Variants in COMMD9 observed in about 807,000 individuals in gnomAD.
COMMD9 encodes the protein COMM domain containing 9.
COMMD9 carries 22 observed loss-of-function variants against 23.4 expected under a neutral mutation model. The observed-to-expected ratio is 0.94, with a 90% CI of 0.67 to 1.34. The LOEUF (loss-of-function observed/expected upper bound fraction) is 1.34. COMMD9 is among the 40% of genes most tolerant of loss of function. The pLI, the probability that COMMD9 is intolerant of heterozygous loss-of-function variation, is 0.00. For missense variants in COMMD9, 231 were observed against 240.2 expected (o/e 0.96, Z 0.25); for synonymous variants, 99 against 97.4 (o/e 1.02, Z -0.10).
rs1855933126 is a variant in COMMD9 at position 36,274,382 on chromosome 11, C to T, written c.*250G>A. 3 of 678,390 alleles carry T rather than the reference C, an allele frequency of 4.4e-6. No individual in the cohort carries two copies. Among genetic ancestry groups the T allele is most frequent in the Non-Finnish European group, 8.1e-6 (3 of 370,622 alleles). 42.0% of individuals were successfully genotyped at this position (678,390 alleles called of 1,614,324 possible). ...CTGCCATGGTGGTAATTAAGTTGCA[C>T]TCAGGAGCTTTTCAAAGATGGGGGC... On this transcript the variant is annotated 3_prime_UTR_variant, in exon 6 of 6. Coordinates refer to ENST00000263401, the MANE Select transcript of COMMD9 (RefSeq NM_014186.4).
chr11:36,287,104 CGCGTAGTATGT>C (rs1590408301), intron 1 of COMMD9, among the ~76,000 whole-genome samples: 4 of 122,868 alleles, frequency 3.3e-5, no homozygotes, highest in East Asian at 2.3e-4. Flanking sequence ...CTATGTATAT[CGCGTAGTATGT>C]ATACTACATA....
intron 1 of COMMD9, 44 bp downstream of exon 1, chr11:36,289,318 G>A: frequency 3.2e-6 from 5 of 1,540,142 alleles, no homozygotes; most frequent in Non-Finnish European, 4.4e-6. Flanking sequence ...TAAAGTCTCG[G>A]AGACAAAGGG....
Position 36,274,624 on chromosome 11 carries a change from T to C in COMMD9, c.*8A>G, listed in dbSNP as rs988232905. The C allele has an allele frequency of 2.5e-6, 4 of 1,614,094 alleles. No homozygotes were observed. The highest frequency in any genetic ancestry group is 1.7e-5 in the Admixed American group (1 of 60,014). On this transcript the variant is annotated 3_prime_UTR_variant, in exon 6 of 6. Coordinates refer to ENST00000263401, the MANE Select transcript of COMMD9 (RefSeq NM_014186.4). ...GGGTCATGGCAGTGGCCCTGGCAGCTGGCTGGATCATTTACTGGCCACGGC... is the reference window on the plus strand; with the variant it reads ...GGGTCATGGCAGTGGCCCTGGCAGCCGGCTGGATCATTTACTGGCCACGGC...
At position 36,276,066 on chromosome 11, in the gene COMMD9, T is replaced by A. The variant is rs978428592; in HGVS notation, c.456+71A>T. On this transcript the variant is annotated intron_variant, in intron 5 of 5. Coordinates refer to ENST00000263401, the MANE Select transcript of COMMD9 (RefSeq NM_014186.4). ...ATATATGGGTTAGAGATCCCAAACC[T>A]TGGAGACTAGTGTTTTAGACGGCCA... The A allele has an allele frequency of 3.5e-6, 4 of 1,128,506 alleles. No individual in the cohort carries two copies. The African/African-American group carries it at 6.1e-5, about 17-fold the overall frequency. The allele number at this position is 1,128,506 out of a possible 1,614,324, so 69.9% of individuals were successfully genotyped here. A position where few individuals can be genotyped will look rare whatever the true frequency, so the allele number is the denominator to read the frequency against.
intron 3 of COMMD9, 89 bp downstream of exon 3, chr11:36,278,388 A>G: frequency 8.0e-7 from 1 of 1,257,036 alleles, no homozygotes; most frequent in Non-Finnish European, 1.1e-6. Context: ...TAAGTTTTCA[A>G]CAATGAGCAT....
Position 36,273,196 on chromosome 11 carries a change from G to C in COMMD9, c.*1436C>G, listed in dbSNP as rs1855906560. 6.6e-6 allele frequency: 1 copy of C among 152,008 alleles called. No individual in the cohort carries two copies. The highest frequency in any genetic ancestry group is 2.4e-5 in the African/African-American group (1 of 41,390). 9.4% of individuals were successfully genotyped at this position (152,008 alleles called of 1,614,324 possible). On this transcript the variant is annotated 3_prime_UTR_variant, in exon 6 of 6. Coordinates refer to ENST00000263401, the MANE Select transcript of COMMD9 (RefSeq NM_014186.4). ...AGAAGCAGAGCTGGCTTCTGACCTT[G>C]GCTGCCTGACTCCTGACAGCATATT...
intron 1 of COMMD9, among the ~76,000 whole-genome samples, chr11:36,288,370 A>G (rs1370747932): frequency 6.6e-6 from 1 of 150,492 alleles, no homozygotes; most frequent in African/African-American, 2.4e-5. Context: ...AAAAAAAAAA[A>G]AAAAGAGAGA....
At chr11:36,277,163 G>C (rs1855987717) in intron 3 of COMMD9, 40 bp from the exon 4 acceptor site, 4 of 1,510,464 alleles carry the variant, frequency 2.6e-6, no homozygotes, top group Non-Finnish European at 3.6e-6. Flanking sequence ...TAATGGAAAG[G>C]GGATGAGACT....
intron 2 of COMMD9, 130 bp downstream of exon 2, chr11:36,280,582 T>G: frequency 1.2e-6 from 1 of 867,586 alleles, no homozygotes. Flanking sequence ...TCATGTCCCA[T>G]TTATAAAAGT....
chr11:36,288,156 G>A (rs184181295), intron 1 of COMMD9, among the ~76,000 whole-genome samples: 1 of 152,210 alleles, frequency 6.6e-6, no homozygotes, highest in East Asian at 1.9e-4. Flanking sequence ...CGTGCTGTGT[G>A]CCAGGTATTA....
At chr11:36,285,234 A>G (rs1290911235) in intron 1 of COMMD9, among the ~76,000 whole-genome samples, 1 of 152,216 alleles carries the variant, frequency 6.6e-6, no homozygotes, top group Non-Finnish European at 1.5e-5. Flanking sequence ...GAAAAATTCT[A>G]TAAACATAAA....
Position 36,272,695 on chromosome 11 carries a change from T to G in COMMD9, c.*1937A>C, listed in dbSNP as rs1018495943. 2 of 152,258 alleles carry G rather than the reference T, an allele frequency of 1.3e-5. No homozygotes were observed. The highest frequency in any genetic ancestry group is 4.8e-5 in the African/African-American group (2 of 41,458). The allele number at this position is 152,258 out of a possible 1,614,324, so 9.4% of individuals were successfully genotyped here. On this transcript the variant is annotated 3_prime_UTR_variant, in exon 6 of 6. Transcript: ENST00000263401. The stretch of plus-strand genomic sequence containing the variant: ...GAAGAGCTTGGAATTTTTTTTCCCT[T>G]GACCTTCCTCGTATCTCACTGGGTA...
In COMMD9 at chr11:36,272,995, A is replaced by G. The variant is rs1308881427; in HGVS notation, c.*1637T>C. On this transcript the variant is annotated 3_prime_UTR_variant, in exon 6 of 6. Coordinates refer to ENST00000263401, the MANE Select transcript of COMMD9 (RefSeq NM_014186.4). Reference sequence around the variant, plus strand: ...TGCACCAAGCTTTCTACTCTCATCCATTAATAATCAAAGCCTTTCCTATTA... The same window carrying G: ...TGCACCAAGCTTTCTACTCTCATCCGTTAATAATCAAAGCCTTTCCTATTA... The G allele has an allele frequency of 6.6e-6, 1 of 152,260 alleles. No individual in the cohort carries two copies. The highest frequency in any genetic ancestry group is 2.4e-5 in the African/African-American group (1 of 41,468). 9.4% of individuals were successfully genotyped at this position (152,260 alleles called of 1,614,324 possible).
rs530405684 is a variant in COMMD9 at position 36,288,300 on chromosome 11, C to G, written c.51+1062G>C. ...ACAAAACAGAGACTATTACATGGACCGATGATGATGATGTGCCATAAATTG... is the reference window on the plus strand; with the variant it reads ...ACAAAACAGAGACTATTACATGGACGGATGATGATGATGTGCCATAAATTG... On this transcript the variant is annotated intron_variant, in intron 1 of 5. Transcript: ENST00000263401. 3.3e-5 allele frequency among the ~76,000 whole-genome samples: 5 copies of G among 150,174 alleles called. No homozygotes were observed. The South Asian group carries it at 1.1e-3, about 32-fold the overall frequency.
Position 36,275,860 on chromosome 11 carries a change from A to G in COMMD9, c.456+277T>C, listed in dbSNP as rs187387532. Among the ~76,000 whole-genome samples the G allele has an allele frequency of 6.0e-5, 9 of 150,338 alleles. No individual in the cohort carries two copies. In the East Asian group the frequency reaches 1.7e-3, roughly 29 times the overall value. On this transcript the variant is annotated intron_variant, in intron 5 of 5. Transcript: ENST00000263401. The stretch of plus-strand genomic sequence containing the variant: ...GCTATTCAAAATCTGGAAGCACACT[A>G]CTATTGTTAAAGCTAAACTGCTAAG...
intron 2 of COMMD9, 101 bp from the exon 3 acceptor site, chr11:36,278,717 C>G: frequency 8.8e-7 from 1 of 1,134,510 alleles, no homozygotes; most frequent in Non-Finnish European, 1.2e-6. Flanking sequence ...AGGCTGCACA[C>G]TGCTATGGTC....
At chr11:36,289,340 T>C (rs1425944911) in intron 1 of COMMD9, 22 bp downstream of exon 1, 2 of 1,548,632 alleles carry the variant, frequency 1.3e-6, no homozygotes, top group African/African-American at 2.7e-5. Context: ...CACCTCACGC[T>C]GTCCCCACCC....
At chr11:36,279,628 T>C (rs1214949308) in intron 2 of COMMD9, among the ~76,000 whole-genome samples, 1 of 152,230 alleles carries the variant, frequency 6.6e-6, no homozygotes, top group African/African-American at 2.4e-5. Context: ...GCTCTTAACA[T>C]CCTCTTTCAT....
At position 36,274,449 on chromosome 11, in the gene COMMD9, A is replaced by C; in HGVS notation, c.*183T>G. Reference sequence around the variant, plus strand: ...CAGAAAGAGAAAGAAGATGAGTGAGAACAGCGGGGGATCTGGCTGCTTCTT... The same window carrying C: ...CAGAAAGAGAAAGAAGATGAGTGAGCACAGCGGGGGATCTGGCTGCTTCTT... On this transcript the variant is annotated 3_prime_UTR_variant, in exon 6 of 6. Transcript: ENST00000263401. 1.3e-6 allele frequency: 1 copy of C among 790,982 alleles called. No homozygotes were observed. The highest frequency in any genetic ancestry group is 2.2e-6 in the Non-Finnish European group (1 of 454,072). 49.0% of individuals were successfully genotyped at this position (790,982 alleles called of 1,614,324 possible).
Sources: allele counts gnomAD v4.1 joint callset (sites outside exome capture counted in the v4.1 genomes callset), GRCh38; gene constraint gnomAD v4.1.1; transcripts MANE v1.5; gene names NCBI Gene and HGNC (gene_info 2026-07-23, HGNC 2026-07-21).